The following PID1 variants were observed in gnomAD, a reference collection of about 807,000 sequenced individuals.
The protein encoded by PID1 is phosphotyrosine interaction domain containing 1.
Under a neutral mutation model 19.1 loss-of-function variants are expected in PID1, and 10 were observed. That is an observed-to-expected ratio of 0.52 (90% CI 0.32 to 0.89). PID1 has a LOEUF of 0.89. Ranked by LOEUF, PID1 falls within the 40% of genes least tolerant of loss-of-function variation. PID1 has a pLI of 0.03. For missense variants in PID1, 248 were observed against 285.3 expected, an observed-to-expected ratio of 0.87 and a Z score of 0.94; for synonymous variants, 130 against 116.0, an observed-to-expected ratio of 1.12 and a Z score of -0.78.
chr2:229,198,860 G>A (rs1311061344), intron 1 of PID1, among the ~76,000 whole-genome samples: 1 of 151,996 alleles, frequency 6.6e-6, no homozygotes, highest in Non-Finnish European at 1.5e-5. Context: ...CACTCTTGTT[G>A]ACTACAATCT....
chr2:229,053,088 G>A (rs969076814), intron 2 of PID1, among the ~76,000 whole-genome samples: 4 of 152,060 alleles, frequency 2.6e-5, no homozygotes, highest in South Asian at 2.1e-4. Flanking sequence ...ACTTATAAAC[G>A]TAACCACTTA....
At chr2:229,103,906 T>C (rs1695122668) in intron 2 of PID1, among the ~76,000 whole-genome samples, 1 of 152,128 alleles carries the variant, frequency 6.6e-6, no homozygotes, top group African/African-American at 2.4e-5. Context: ...CCAGGAATTC[T>C]CCAAGATTGG....
In PID1 at chr2:229,271,166, T is replaced by G; in HGVS notation, c.-123A>C. Reference sequence around the variant, plus strand: ...GTCCGCGGGATGTGCGTCCTGGCGCTGGCCACCGCCGCCGGGTGGGCGTAG... The same window carrying G: ...GTCCGCGGGATGTGCGTCCTGGCGCGGGCCACCGCCGCCGGGTGGGCGTAG... On this transcript the variant is annotated 5_prime_UTR_variant, in exon 1 of 3. Transcript: ENST00000392055. 1 of 1,120,558 alleles carries G rather than the reference T, an allele frequency of 8.9e-7. No individual in the cohort carries two copies. The highest frequency in any genetic ancestry group is 1.3e-6 in the Non-Finnish European group (1 of 791,366). 69.4% of individuals were successfully genotyped at this position (1,120,558 alleles called of 1,614,324 possible). A position where few individuals can be genotyped will look rare whatever the true frequency, so the allele number is the denominator to read the frequency against.
At chr2:229,115,210 T>G (rs377029111) in intron 2 of PID1, among the ~76,000 whole-genome samples, 4 of 151,642 alleles carry the variant, frequency 2.6e-5, no homozygotes, top group African/African-American at 9.7e-5. Context: ...TAAATAATAA[T>G]TAAAGAAGGC....
At chr2:229,043,815 C>G (rs937954508) in intron 2 of PID1, among the ~76,000 whole-genome samples, 2 of 152,110 alleles carry the variant, frequency 1.3e-5, no homozygotes, top group Non-Finnish European at 2.9e-5. Context: ...GCCATGGAAG[C>G]CATCGGCTTA....
chr2:229,035,736 T>C (rs1693650015), intron 2 of PID1, among the ~76,000 whole-genome samples: 1 of 152,170 alleles, frequency 6.6e-6, no homozygotes, highest in Non-Finnish European at 1.5e-5. Context: ...TTAGTTTCCA[T>C]TCTTATATCA....
At chr2:229,260,762 A>G (rs1690439112) in intron 1 of PID1, among the ~76,000 whole-genome samples, 1 of 151,736 alleles carries the variant, frequency 6.6e-6, no homozygotes, top group African/African-American at 2.4e-5. Context: ...ATTTTTTACA[A>G]TCAAGAAAGT....
At chr2:229,139,105 AAGAAAGAAAGAGAAAG>A (rs1689945590) in intron 2 of PID1, among the ~76,000 whole-genome samples, 1 of 68,054 alleles carries the variant, frequency 1.5e-5, no homozygotes, top group Admixed American at 1.6e-4. Flanking sequence ...GAAAGAAAGA[AAGAAAGAAAGAGAAAG>A]AAAGAAAGAA....
At chr2:229,108,180 T>C (rs1314969856) in intron 2 of PID1, among the ~76,000 whole-genome samples, 1 of 152,264 alleles carries the variant, frequency 6.6e-6, no homozygotes. Flanking sequence ...GTTAGACTCC[T>C]ATGTAAGAGT....
rs536964194 is a variant in PID1, at chr2:229,148,907, G to A, written c.177+6911C>T. ...AAACTTTTAGCTTCCTGCATTTGAG[G>A]AGACAAGCAGAAGTGAATGTTTTGA... On this transcript the variant is annotated intron_variant, in intron 2 of 2. Coordinates refer to ENST00000392055, the MANE Select transcript of PID1 (RefSeq NM_001100818.2). Among the ~76,000 whole-genome samples the A allele has an allele frequency of 6.3e-4, 96 of 152,056 alleles. 1 individual carries two copies. The highest frequency in any genetic ancestry group is 2.2e-3 in the African/African-American group (91 of 41,484).
intron 1 of PID1, among the ~76,000 whole-genome samples, chr2:229,244,134 C>A (rs892237960): frequency 6.6e-6 from 1 of 152,058 alleles, no homozygotes; most frequent in Non-Finnish European, 1.5e-5. Context: ...TTTTAGTTCT[C>A]AACTGAAAAC....
intron 1 of PID1, among the ~76,000 whole-genome samples, chr2:229,214,147 C>A (rs1478510149): frequency 4.6e-5 from 7 of 152,184 alleles, no homozygotes; most frequent in Non-Finnish European, 1.0e-4. Context: ...CATAACTTTT[C>A]ATTCATACCA....
At chr2:229,140,981 T>TG (rs1212355719) in intron 2 of PID1, among the ~76,000 whole-genome samples, 4 of 151,932 alleles carry the variant, frequency 2.6e-5, no homozygotes, top group Admixed American at 2.6e-4. Flanking sequence ...AACTATTTTT[T>TG]TTTTTTGCAT....
At chr2:229,103,081 T>C (rs1007856735) in intron 2 of PID1, among the ~76,000 whole-genome samples, 1 of 152,146 alleles carries the variant, frequency 6.6e-6, no homozygotes, top group African/African-American at 2.4e-5. Flanking sequence ...CGGGCAAAGG[T>C]TCCTCTTTTT....
intron 1 of PID1, among the ~76,000 whole-genome samples, chr2:229,200,850 G>C (rs898768578): frequency 6.6e-6 from 1 of 152,070 alleles, no homozygotes; most frequent in African/African-American, 2.4e-5. Flanking sequence ...AGGTCACAAA[G>C]GGGAATGCCT....
At chr2:229,100,421 G>A (rs1452639967) in intron 2 of PID1, among the ~76,000 whole-genome samples, 1 of 151,974 alleles carries the variant, frequency 6.6e-6, no homozygotes, top group Non-Finnish European at 1.5e-5. Flanking sequence ...AAACTACAAA[G>A]GAAATTATGA....
chr2:229,214,746 T>A (rs1201973225), intron 1 of PID1, among the ~76,000 whole-genome samples: 1 of 152,186 alleles, frequency 6.6e-6, no homozygotes, highest in Non-Finnish European at 1.5e-5. Flanking sequence ...TAGGGTTTTC[T>A]GTTGTTGATT....
intron 1 of PID1, among the ~76,000 whole-genome samples, chr2:229,218,220 A>G (rs1008687422): frequency 1.3e-5 from 2 of 148,404 alleles, no homozygotes; most frequent in African/African-American, 5.0e-5. Flanking sequence ...ACAAAAGTTC[A>G]CAACATAAGT....
intron 2 of PID1, among the ~76,000 whole-genome samples, chr2:229,107,108 G>A (rs1032910953): frequency 2.0e-5 from 3 of 152,106 alleles, no homozygotes; most frequent in Middle Eastern, 3.2e-3. Flanking sequence ...ATACTTCCAT[G>A]ACCCAAGAAA....
Sources: allele counts gnomAD v4.1 joint callset (sites outside exome capture counted in the v4.1 genomes callset), GRCh38; gene constraint gnomAD v4.1.1; transcripts MANE v1.5; gene names NCBI Gene and HGNC (gene_info 2026-07-23, HGNC 2026-07-21).